Variants in STATH observed in about 807,000 individuals in gnomAD.
The protein encoded by STATH is statherin.
In STATH, 11 loss-of-function variants were observed where a neutral mutation model predicts 13.3. The ratio of observed to expected loss-of-function variants is 0.83; its 90% CI spans 0.52 to 1.37. The LOEUF is 1.37. STATH is among the 40% of genes most tolerant of loss of function. STATH has a pLI of 0.00. For missense variants in STATH, 78 were observed against 73.3 expected (o/e 1.06, Z -0.24); for synonymous variants, 25 against 23.6 (o/e 1.06, Z -0.17).
intron 1 of STATH, among the ~76,000 whole-genome samples, chr4:69,997,303 C>A (rs1287467596): frequency 6.6e-6 from 1 of 151,872 alleles, no homozygotes; most frequent in Non-Finnish European, 1.5e-5. Flanking sequence ...AAGCAAATGC[C>A]ATAAATCATG....
chr4:70,000,178 A>AT (rs1225036194), intron 4 of STATH: 23 of 199,406 alleles, frequency 1.2e-4, no homozygotes, highest in South Asian at 2.4e-4. Context: ...GCACCTTCTG[A>AT]TTTTTTTTGA....
chr4:70,001,038 A>G (rs1022087307), intron 5 of STATH, 56 bp downstream of exon 5: 2 of 1,269,460 alleles, frequency 1.6e-6, no homozygotes, highest in Non-Finnish European at 1.1e-6. Context: ...TGACAGTTAA[A>G]AGAAGAAAAA....
At chr4:69,998,267 C>T (rs1470564356) in intron 1 of STATH, 156 bp from the exon 2 acceptor site, 1 of 577,432 alleles carries the variant, frequency 1.7e-6, no homozygotes, top group East Asian at 2.8e-5. Flanking sequence ...GTGTCTCCAA[C>T]AAGTCTCCAA....
chr4:69,999,893 T>A (rs1408686208), intron 4 of STATH, 84 bp downstream of exon 4: 3 of 1,497,468 alleles, frequency 2.0e-6, no homozygotes, highest in Non-Finnish European at 1.8e-6. Context: ...CAATACTTAT[T>A]TCTCAAATAT....
At chr4:69,996,805 T>A (rs1019818437) in intron 1 of STATH, among the ~76,000 whole-genome samples, 17 of 152,022 alleles carry the variant, frequency 1.1e-4, no homozygotes, top group African/African-American at 3.9e-4. Flanking sequence ...AGGTATAAAA[T>A]ACACTAAAGT....
Position 70,000,850 on chromosome 4 carries a change from T to G in STATH, c.103-13T>G, listed in dbSNP as rs1304187162. On this transcript the variant is annotated splice_polypyrimidine_tract_variant and intron_variant, in intron 4 of 5. Transcript: ENST00000246895. ...AATTTTCTGCAATTTTCTTTCTCCT[T>G]GTGTGTATACAGTATGGGTATGGCC... The G allele has an allele frequency of 6.2e-7, 1 of 1,606,100 alleles. No individual in the cohort carries two copies. Among genetic ancestry groups the G allele is most frequent in the East Asian group, 2.2e-5 (1 of 44,778 alleles).
chr4:69,998,361 T>C, intron 1 of STATH, 62 bp from the exon 2 acceptor site: 1 of 1,312,816 alleles, frequency 7.6e-7, no homozygotes, highest in Non-Finnish European at 1.1e-6. Flanking sequence ...GTATAATCAA[T>C]AAACTTTTGA....
chr4:69,998,162 A>G (rs1322059289), intron 1 of STATH, among the ~76,000 whole-genome samples: 1 of 152,002 alleles, frequency 6.6e-6, no homozygotes, highest in Non-Finnish European at 1.5e-5. Context: ...CTTTACCTTC[A>G]TACCCCTATT....
intron 4 of STATH, 192 bp downstream of exon 4, chr4:70,000,001 C>T (rs928492638): frequency 3.1e-6 from 2 of 639,294 alleles, no homozygotes; most frequent in Admixed American, 3.0e-5. Flanking sequence ...TAAGTTGAAA[C>T]TCATAGTGCC....
intron 1 of STATH, 124 bp from the exon 2 acceptor site, chr4:69,998,299 G>C: frequency 1.5e-6 from 1 of 646,642 alleles, no homozygotes; most frequent in Non-Finnish European, 2.7e-6. Context: ...TCAGGCAATG[G>C]GTTTTAATTG....
Position 70,002,516 on chromosome 4 carries a change from C to T in STATH, c.*361C>T, listed in dbSNP as rs532475777. The T allele has an allele frequency of 6.6e-6, 1 of 151,782 alleles. No individual in the cohort carries two copies. The highest frequency in any genetic ancestry group is 1.9e-4 in the East Asian group (1 of 5,182). 9.4% of individuals were successfully genotyped at this position (151,782 alleles called of 1,614,324 possible). On this transcript the variant is annotated 3_prime_UTR_variant, in exon 6 of 6. Transcript: ENST00000246895. ...GAATAATGATTTCTTTCATCATCTT[C>T]TTTCCCAGTTTGACTAGCACAGATT...
chr4:69,999,199 A>T (rs1724582532), intron 2 of STATH: 1 of 153,142 alleles, frequency 6.5e-6, no homozygotes, highest in Admixed American at 6.5e-5. Context: ...TCAAAAACTA[A>T]TTTGATTATA....
At chr4:70,001,387 T>C (rs960962656) in intron 5 of STATH, among the ~76,000 whole-genome samples, 1 of 152,016 alleles carries the variant, frequency 6.6e-6, no homozygotes. Flanking sequence ...TTTGTAGTTA[T>C]AACTGCAGGG....
intron 4 of STATH, chr4:70,000,020 G>A (rs1326105176): frequency 1.7e-6 from 1 of 571,912 alleles, no homozygotes; most frequent in African/African-American, 1.9e-5. Flanking sequence ...CCAACCTGAA[G>A]AAACCAGTTA....
rs566072586 is a variant in STATH, at chr4:70,001,631, CACA to C, written c.*34-554_*34-552del. Among the ~76,000 whole-genome samples the C allele has an allele frequency of 1.0e-3, 152 of 151,922 alleles. 1 individual carries two copies. The highest frequency in any genetic ancestry group is 3.5e-3 in the African/African-American group (147 of 41,518). On this transcript the variant is annotated intron_variant, in intron 5 of 5. Coordinates refer to ENST00000246895, the MANE Select transcript of STATH (RefSeq NM_003154.3). Reference sequence around the variant, plus strand: ...AGAAAGTCAGTTTTACCTATCTCTACACAACATTAAATGTTCTAAATTCTATGA... The same window carrying C: ...AGAAAGTCAGTTTTACCTATCTCTACACATTAAATGTTCTAAATTCTATGA...
At chr4:69,999,404 GAT>G (rs1398748522) in intron 2 of STATH, among the ~76,000 whole-genome samples, 2 of 151,822 alleles carry the variant, frequency 1.3e-5, no homozygotes, top group Non-Finnish European at 2.9e-5. Flanking sequence ...ATTCACCAAT[GAT>G]AACCATTTAC....
At chr4:69,999,554 G>C in intron 2 of STATH, 113 bp from the exon 3 acceptor site, 2 of 1,003,634 alleles carry the variant, frequency 2.0e-6, no homozygotes, top group Non-Finnish European at 3.0e-6. Context: ...GTCTATCGAT[G>C]ATTTGCCTAC....
In STATH at chr4:70,002,464, C is replaced by T. The variant is rs1724694401; in HGVS notation, c.*309C>T. 6.6e-6 allele frequency: 1 copy of T among 151,736 alleles called. No homozygotes were observed. Among genetic ancestry groups the T allele is most frequent in the Non-Finnish European group, 1.5e-5 (1 of 67,738 alleles). The allele number at this position is 151,736 out of a possible 1,614,324, so 9.4% of individuals were successfully genotyped here. A position where few individuals can be genotyped will look rare whatever the true frequency, so the allele number is the denominator to read the frequency against. ...TCAAGCACATTTTTACATGTATGCT[C>T]CTTATTTTTCTCTTTTCTATTTATA... On this transcript the variant is annotated 3_prime_UTR_variant, in exon 6 of 6. Transcript: ENST00000246895.
intron 1 of STATH, 76 bp from the exon 2 acceptor site, chr4:69,998,347 C>A: frequency 9.6e-7 from 1 of 1,039,082 alleles, no homozygotes. Context: ...TGCTTTGGAG[C>A]GTAGTATAAT....
Sources: gnomAD v4.1 joint callset for allele counts (sites outside exome capture counted in the v4.1 genomes callset) on GRCh38, gnomAD v4.1.1 for gene constraint, MANE v1.5 for transcripts, NCBI Gene and HGNC (gene_info 2026-07-23, HGNC 2026-07-21) for gene names.